Variants in EPHA3 observed in about 807,000 individuals in gnomAD.
EPHA3 encodes the protein EPH receptor A3.
Under a neutral mutation model 107.1 loss-of-function variants are expected in EPHA3, and 42 were observed. That is an observed-to-expected ratio of 0.39 (90% CI 0.31 to 0.51). The LOEUF is 0.51. Ranked by LOEUF, EPHA3 falls within the 20% of genes least tolerant of loss-of-function variation. EPHA3 has a pLI of 0.78. For synonymous variants in EPHA3, 461 were observed against 424.8 expected (o/e 1.09, Z -1.05); for missense variants, 1,183 against 1,211.2 (o/e 0.98, Z 0.35).
intron 2 of EPHA3, among the ~76,000 whole-genome samples, chr3:89,204,562 C>T (rs1187929390): frequency 6.6e-6 from 1 of 150,852 alleles, no homozygotes. Flanking sequence ...TGACATTACT[C>T]TGATCTTTTT....
chr3:89,469,026 G>C (rs1710347890), intron 15 of EPHA3, among the ~76,000 whole-genome samples: 1 of 151,970 alleles, frequency 6.6e-6, no homozygotes, highest in Admixed American at 6.6e-5. Flanking sequence ...TAGTTTTCCT[G>C]ATATTGCTAA....
chr3:89,393,001 G>A (rs1708775917), intron 5 of EPHA3, among the ~76,000 whole-genome samples: 1 of 151,978 alleles, frequency 6.6e-6, no homozygotes. Flanking sequence ...TTTATCAGGG[G>A]AAAGAAAAAC....
At chr3:89,260,525 A>G (rs1413583638) in intron 3 of EPHA3, among the ~76,000 whole-genome samples, 1 of 151,942 alleles carries the variant, frequency 6.6e-6, no homozygotes, top group Non-Finnish European at 1.5e-5. Flanking sequence ...TTTTTAAATC[A>G]GGTTATTTAT....
intron 5 of EPHA3, among the ~76,000 whole-genome samples, chr3:89,362,700 G>A (rs1708117896): frequency 6.6e-6 from 1 of 151,026 alleles, no homozygotes; most frequent in Non-Finnish European, 1.5e-5. Context: ...AAAAGCACCA[G>A]ATTGTCAGAT....
chr3:89,443,070 C>G (rs938119020), intron 13 of EPHA3, among the ~76,000 whole-genome samples: 5 of 152,110 alleles, frequency 3.3e-5, no homozygotes, highest in African/African-American at 1.2e-4. Flanking sequence ...GTATATAAGT[C>G]TTACCCTTGT....
At chr3:89,157,735 C>T (rs1018862491) in intron 2 of EPHA3, among the ~76,000 whole-genome samples, 2 of 151,854 alleles carry the variant, frequency 1.3e-5, no homozygotes, top group Non-Finnish European at 2.9e-5. Context: ...CAGGAAGTTG[C>T]TTCTACATGT....
intron 3 of EPHA3, among the ~76,000 whole-genome samples, chr3:89,252,180 A>G (rs1309810447): frequency 6.6e-6 from 1 of 152,156 alleles, no homozygotes; most frequent in Non-Finnish European, 1.5e-5. Context: ...ACTGCAAACC[A>G]TTTCCAAATT....
At position 89,159,695 on chromosome 3, in the gene EPHA3, C is replaced by T. The variant is rs539025651; in HGVS notation, c.153+32422C>T. ...TGGCTCATTTTCTTGGAATCCAAAG[C>T]GGATAAATATCTTCATGACCCCCAA... On this transcript the variant is annotated intron_variant, in intron 2 of 16. Coordinates refer to ENST00000336596, the MANE Select transcript of EPHA3 (RefSeq NM_005233.6). 3.9e-5 allele frequency among the ~76,000 whole-genome samples: 6 copies of T among 152,142 alleles called. No individual in the cohort carries two copies. In the East Asian group the frequency reaches 5.8e-4, roughly 15 times the overall value.
At chr3:89,137,014 C>T (rs188533246) in intron 2 of EPHA3, among the ~76,000 whole-genome samples, 20 of 151,780 alleles carry the variant, frequency 1.3e-4, no homozygotes, top group Admixed American at 3.3e-4. Context: ...CAAAAATGCA[C>T]AGTTATTAAA....
chr3:89,454,792 G>C (rs1710064105), intron 15 of EPHA3, among the ~76,000 whole-genome samples: 1 of 152,106 alleles, frequency 6.6e-6, no homozygotes, highest in Non-Finnish European at 1.5e-5. Flanking sequence ...AGGAGTTGGA[G>C]ACCAGTTTGG....
At chr3:89,190,428 A>T (rs183099247) in intron 2 of EPHA3, among the ~76,000 whole-genome samples, 1 of 152,150 alleles carries the variant, frequency 6.6e-6, no homozygotes, top group Non-Finnish European at 1.5e-5. Context: ...CTATAAACAT[A>T]GGCTTTATTT....
chr3:89,306,344 A>C (rs1308359463), intron 3 of EPHA3, among the ~76,000 whole-genome samples: 1 of 152,122 alleles, frequency 6.6e-6, no homozygotes, highest in Non-Finnish European at 1.5e-5. Context: ...TAGAGCAGGA[A>C]ATTTAAGTCA....
intron 2 of EPHA3, among the ~76,000 whole-genome samples, chr3:89,144,256 C>T (rs1704489698): frequency 6.6e-6 from 1 of 151,690 alleles, no homozygotes; most frequent in South Asian, 2.1e-4. Flanking sequence ...CCCACTCATC[C>T]ATGGCAACCA....
chr3:89,431,441 A>T lies in EPHA3; in HGVS notation c.2346+82A>T. ...GATTTGTAAATAAGTAGAAATCATG[A>T]CCCAAAACGTGTTGTCAATTATGCT... is the stretch of plus-strand genomic sequence containing the variant. On this transcript the variant is annotated intron_variant, in intron 13 of 16. Coordinates refer to ENST00000336596, the MANE Select transcript of EPHA3 (RefSeq NM_005233.6). 4.2e-6 allele frequency: 5 copies of T among 1,178,912 alleles called. No individual in the cohort carries two copies. In the East Asian group the frequency reaches 1.2e-4, roughly 29 times the overall value. 73.0% of individuals were successfully genotyped at this position (1,178,912 alleles called of 1,614,324 possible).
intron 15 of EPHA3, among the ~76,000 whole-genome samples, chr3:89,453,512 T>A (rs1207854985): frequency 6.6e-6 from 1 of 152,152 alleles, no homozygotes; most frequent in Non-Finnish European, 1.5e-5. Context: ...AATCAATATT[T>A]TCTATGAAAA....
chr3:89,359,923 T>G (rs1708057435), intron 5 of EPHA3, among the ~76,000 whole-genome samples: 1 of 149,254 alleles, frequency 6.7e-6, no homozygotes, highest in African/African-American at 2.4e-5. Context: ...TTATTTAAAC[T>G]AACAACCAAT....
At chr3:89,419,622 C>T (rs531826769) in intron 11 of EPHA3, among the ~76,000 whole-genome samples, 23 of 151,246 alleles carry the variant, frequency 1.5e-4, no homozygotes, top group Admixed American at 1.1e-3. Flanking sequence ...TACTAGAAGC[C>T]ACATATTAGA....
At chr3:89,467,202 T>G (rs998399562) in intron 15 of EPHA3, among the ~76,000 whole-genome samples, 1 of 152,156 alleles carries the variant, frequency 6.6e-6, no homozygotes, top group African/African-American at 2.4e-5. Context: ...TGGGGAAACA[T>G]TTGAAATTTT....
chr3:89,349,606 G>A (rs1479661999), intron 5 of EPHA3, among the ~76,000 whole-genome samples: 22 of 134,892 alleles, frequency 1.6e-4, no homozygotes, highest in East Asian at 6.7e-4. Flanking sequence ...GGAGCATTTA[G>A]TCCATTTACA....
Sources: allele counts gnomAD v4.1 joint callset (sites outside exome capture counted in the v4.1 genomes callset), GRCh38; gene constraint gnomAD v4.1.1; transcripts MANE v1.5; gene names NCBI Gene and HGNC (gene_info 2026-07-23, HGNC 2026-07-21).